PLA2R1: variants seen among roughly 807,000 people sequenced by gnomAD.
PLA2R1 encodes secretory phospholipase A2 receptor.
PLA2R1 carries 158 observed loss-of-function variants against 195.9 expected under a neutral mutation model. The ratio of observed to expected loss-of-function variants is 0.81; its 90% CI spans 0.71 to 0.92. The LOEUF (loss-of-function observed/expected upper bound fraction) is 0.92, where lower values mean the gene tolerates loss of function less well. Ranked by LOEUF, PLA2R1 falls within the 40% of genes least tolerant of loss-of-function variation. The pLI, the probability that PLA2R1 is intolerant of heterozygous loss-of-function variation, is 0.00. For missense variants in PLA2R1, 1,626 were observed against 1,764.6 expected, an observed-to-expected ratio of 0.92 and a Z score of 1.41; for synonymous variants, 586 against 598.2, an observed-to-expected ratio of 0.98 and a Z score of 0.30.
downstream of PLA2R1, among the ~76,000 whole-genome samples, chr2:159,928,461 G>A (rs1170311985): frequency 3.9e-5 from 6 of 152,176 alleles, no homozygotes; most frequent in Non-Finnish European, 7.3e-5. Context: ...GGAGGTGAAA[G>A]ACCTCTACAA....
intron 20 of PLA2R1, among the ~76,000 whole-genome samples, chr2:159,964,405 A>G (rs1399856562): frequency 1.3e-5 from 2 of 152,224 alleles, no homozygotes; most frequent in African/African-American, 4.8e-5. Flanking sequence ...ATTTAGGACC[A>G]TAAAGATGCT....
In PLA2R1 at chr2:159,955,069, A is replaced by T. The variant is rs560328247; in HGVS notation, c.3301+130T>A. 3 of 663,004 alleles carry T rather than the reference A, an allele frequency of 4.5e-6. 1 individual carries two copies. The East Asian group carries it at 8.3e-5, about 18-fold the overall frequency. 41.1% of individuals were successfully genotyped at this position (663,004 alleles called of 1,614,324 possible). On this transcript the variant is annotated intron_variant, in intron 23 of 29. Coordinates refer to ENST00000283243, the MANE Select transcript of PLA2R1 (RefSeq NM_007366.5). ...AAATAACTAAACTTATGTAAAGCCA[A>T]AGAAGAAGTGCCTGACACTGTTAGC...
At chr2:160,027,282 T>C (rs573138124) in intron 6 of PLA2R1, among the ~76,000 whole-genome samples, 1 of 149,900 alleles carries the variant, frequency 6.7e-6, no homozygotes, top group African/African-American at 2.5e-5. Flanking sequence ...GAATGCAAGA[T>C]GGCATAAGAA....
chr2:159,967,061 G>A (rs1230309267), intron 20 of PLA2R1, among the ~76,000 whole-genome samples: 1 of 152,092 alleles, frequency 6.6e-6, no homozygotes, highest in African/African-American at 2.4e-5. Context: ...CTCTATGCCG[G>A]CTCCAGGCAG....
the PLA2R1 span, among the ~76,000 whole-genome samples, chr2:159,926,389 T>C: frequency 1.8e-5 from 2 of 110,328 alleles, no homozygotes; most frequent in Admixed American, 1.1e-4. Context: ...ATTTAGCAGT[T>C]TGGGCTTATA....
In PLA2R1 at chr2:160,005,972, G is replaced by A. The variant is rs1691958003; in HGVS notation, c.1665-151C>T. Reference sequence around the variant, plus strand: ...GAACAGGAAAACACCCAAAGACCCTGAACATTACTAATAAATGCCGAATGT... The same window carrying A: ...GAACAGGAAAACACCCAAAGACCCTAAACATTACTAATAAATGCCGAATGT... On this transcript the variant is annotated intron_variant, in intron 10 of 29. Coordinates refer to ENST00000283243, the MANE Select transcript of PLA2R1 (RefSeq NM_007366.5). 4.7e-6 allele frequency: 3 copies of A among 634,854 alleles called. No homozygotes were observed. The Admixed American group carries it at 8.0e-5, about 17-fold the overall frequency. 39.3% of individuals were successfully genotyped at this position (634,854 alleles called of 1,614,324 possible).
intron 13 of PLA2R1, among the ~76,000 whole-genome samples, chr2:159,981,258 T>G (rs184896714): frequency 2.6e-5 from 4 of 151,102 alleles, no homozygotes; most frequent in Admixed American, 6.6e-5. Flanking sequence ...ATTAATAAAA[T>G]AGAAATAGAA....
chr2:159,995,255 G>A (rs1299252004), intron 11 of PLA2R1, among the ~76,000 whole-genome samples: 1 of 152,088 alleles, frequency 6.6e-6, no homozygotes, highest in Admixed American at 6.6e-5. Context: ...GCGTCAATCA[G>A]CTTGAGCAGC....
At chr2:159,949,034 A>G (rs1687563066) in intron 25 of PLA2R1, among the ~76,000 whole-genome samples, 3 of 152,240 alleles carry the variant, frequency 2.0e-5, no homozygotes, top group African/African-American at 7.2e-5. Context: ...TAAAGTGCAG[A>G]GCCAGATATC....
rs1452572248 is a variant in PLA2R1 at position 159,955,705 on chromosome 2, A to G, written c.3146T>C (p.Ile1049Thr). ...ATAAATCTTAAAACTTACATTTATT[A>G]TATCAAATGGAGACCAGTTAGAATA... is the stretch of plus-strand genomic sequence containing the variant. ...VVYSNWSPFDIINIPSHNTTE... is the reference protein window; with the variant it reads ...VVYSNWSPFDTINIPSHNTTE... The change falls in exon 22 of 30, where the codon ATA becomes ACA. Residue 1049 changes from isoleucine to threonine, a missense_variant. Ile to Thr is a moderately conservative substitution (Grantham distance 89). Coordinates refer to ENST00000283243, the MANE Select transcript of PLA2R1 (RefSeq NM_007366.5). 2 of 1,440,300 alleles carry G rather than the reference A, an allele frequency of 1.4e-6. No individual in the cohort carries two copies. The highest frequency in any genetic ancestry group is 1.9e-6 in the Non-Finnish European group (2 of 1,077,306). 89.2% of individuals were successfully genotyped at this position (1,440,300 alleles called of 1,614,324 possible). A position where few individuals can be genotyped will look rare whatever the true frequency, so the allele number is the denominator to read the frequency against.
Position 160,022,676 on chromosome 2 carries a change from A to C in PLA2R1, c.1283T>G (p.Leu428Arg). ...SLAEVEFLVT[L>R]LGDENASETW... is the part of the protein sequence containing the mutation. ...CAGCTGGGACTCACCATCTCCAAGG[A>C]GGGTTACAAGAAACTCCACCTCTGC... Residue 428 changes from leucine (L) to arginine (R), a missense_variant, in exon 7 of 30, where the codon CTC becomes CGC. Transcript: ENST00000283243. The C allele has an allele frequency of 6.3e-7, 1 of 1,589,238 alleles. No homozygotes were observed. Among genetic ancestry groups the C allele is most frequent in the Non-Finnish European group, 8.6e-7 (1 of 1,165,108 alleles).
Position 159,933,340 on chromosome 2 carries a change from T to C in PLA2R1, c.*8438A>G, listed in dbSNP as rs1686667012. On this transcript the variant is annotated 3_prime_UTR_variant, in exon 30 of 30. Coordinates refer to ENST00000283243, the MANE Select transcript of PLA2R1 (RefSeq NM_007366.5). ...ACTTTTTTAAATCCAGAATTTCAGATTTAGGCACATTTTAAACTTTTTCTC... is the reference window on the plus strand; with the variant it reads ...ACTTTTTTAAATCCAGAATTTCAGACTTAGGCACATTTTAAACTTTTTCTC... The C allele has an allele frequency of 6.6e-6, 1 of 152,204 alleles. No individual in the cohort carries two copies. Among genetic ancestry groups the C allele is most frequent in the South Asian group, 2.1e-4 (1 of 4,826 alleles). 9.4% of individuals were successfully genotyped at this position (152,204 alleles called of 1,614,324 possible).
chr2:160,002,337 G>C (rs1490362889), intron 11 of PLA2R1, among the ~76,000 whole-genome samples: 1 of 151,912 alleles, frequency 6.6e-6, no homozygotes, highest in Non-Finnish European at 1.5e-5. Context: ...AGTCTTATAA[G>C]CATTACAGAA....
rs1036678099 is a variant in PLA2R1 at position 159,935,597 on chromosome 2, C to G, written c.*6181G>C. The G allele has an allele frequency of 1.3e-5, 2 of 152,142 alleles. No homozygotes were observed. Among genetic ancestry groups the G allele is most frequent in the East Asian group, 1.9e-4 (1 of 5,196 alleles). The allele number at this position is 152,142 out of a possible 1,614,324, so 9.4% of individuals were successfully genotyped here. A position where few individuals can be genotyped will look rare whatever the true frequency, so the allele number is the denominator to read the frequency against. ...AGCTCCTTCAGGTTGGTTCCTGTAG[C>G]CTTCAGACATGTGCCATCTTTTTGT... is the stretch of plus-strand genomic sequence containing the variant. On this transcript the variant is annotated 3_prime_UTR_variant, in exon 30 of 30. Coordinates refer to ENST00000283243, the MANE Select transcript of PLA2R1 (RefSeq NM_007366.5).
intron 11 of PLA2R1, among the ~76,000 whole-genome samples, chr2:159,995,682 T>C (rs1691162868): frequency 6.6e-6 from 1 of 152,112 alleles, no homozygotes; most frequent in South Asian, 2.1e-4. Flanking sequence ...TTTCCTAAGC[T>C]GATGTTTATA....
Position 159,935,945 on chromosome 2 carries a change from A to ATTTTTTTTTTTTTTTTTTTTTTTTTTTTT in PLA2R1, c.*5832_*5833insAAAAAAAAAAAAAAAAAAAAAAAAAAAAA, listed in dbSNP as rs56240008. ...GCAGTAAAAATATGTATATAAATTA[A>ATTTTTTTTTTTTTTTTTTTTTTTTTTTTT]TTTTTTTTTTTTTTTTTTTTTTTTG... is the stretch of plus-strand genomic sequence containing the variant. On this transcript the variant is annotated 3_prime_UTR_variant, in exon 30 of 30. Transcript: ENST00000283243. 39 of 107,216 alleles carry ATTTTTTTTTTTTTTTTTTTTTTTTTTTTT rather than the reference A, an allele frequency of 3.6e-4. 1 individual carries two copies. The highest frequency in any genetic ancestry group is 9.1e-4 in the East Asian group (3 of 3,296). The allele number at this position is 107,216 out of a possible 1,614,324, so 6.6% of individuals were successfully genotyped here.
chr2:160,044,565 T>A (rs1694744206), intron 2 of PLA2R1, among the ~76,000 whole-genome samples: 2 of 152,216 alleles, frequency 1.3e-5, no homozygotes, highest in South Asian at 4.1e-4. Flanking sequence ...TGAGAAGTTC[T>A]GCTTCTTTAG....
At chr2:159,953,415 T>C (rs970517073) in intron 23 of PLA2R1, among the ~76,000 whole-genome samples, 1 of 152,266 alleles carries the variant, frequency 6.6e-6, no homozygotes, top group African/African-American at 2.4e-5. Context: ...ATATTTATTG[T>C]TGGCTACAAT....
At chr2:160,021,683 C>T (rs1693138997) in intron 7 of PLA2R1, among the ~76,000 whole-genome samples, 1 of 152,210 alleles carries the variant, frequency 6.6e-6, no homozygotes, top group African/African-American at 2.4e-5. Context: ...CAATGTTCAC[C>T]ATCCAGGTGA....
Sources: gnomAD v4.1 joint callset for allele counts (sites outside exome capture counted in the v4.1 genomes callset) on GRCh38, gnomAD v4.1.1 for gene constraint, MANE v1.5 for transcripts, NCBI Gene and HGNC (gene_info 2026-07-23, HGNC 2026-07-21) for gene names.